Variants in SRGAP3 observed in about 807,000 individuals in gnomAD.
SRGAP3 encodes the protein SLIT-ROBO Rho GTPase-activating protein 3.
Under a neutral mutation model 121.1 loss-of-function variants are expected in SRGAP3, and 39 were observed. That is an observed-to-expected ratio of 0.32 (90% CI 0.25 to 0.42). The LOEUF (loss-of-function observed/expected upper bound fraction) is 0.42, where lower values mean the gene tolerates loss of function less well. Ranked by LOEUF, SRGAP3 falls within the 10% of genes least tolerant of loss-of-function variation. The pLI is 1.00. For synonymous variants in SRGAP3, 601 were observed against 570.0 expected, an observed-to-expected ratio of 1.05 and a Z score of -0.77; for missense variants, 1,213 against 1,470.6, an observed-to-expected ratio of 0.82 and a Z score of 2.86.
intron 1 of SRGAP3, among the ~76,000 whole-genome samples, chr3:9,213,028 G>A (rs554687343): frequency 6.6e-6 from 1 of 152,256 alleles, no homozygotes; most frequent in African/African-American, 2.4e-5. Flanking sequence ...GGGGCAAATT[G>A]CTTGGTGAGA....
intron 1 of SRGAP3, among the ~76,000 whole-genome samples, chr3:9,128,839 C>A (rs542577810): frequency 6.6e-6 from 1 of 152,096 alleles, no homozygotes; most frequent in East Asian, 1.9e-4. Flanking sequence ...GAAGCCAGAA[C>A]GAATGAGGTT....
intron 3 of SRGAP3, among the ~76,000 whole-genome samples, chr3:9,268,478 T>C (rs1954411034): frequency 6.6e-6 from 1 of 152,126 alleles, no homozygotes; most frequent in Non-Finnish European, 1.5e-5. Context: ...ACAAAAGAAA[T>C]GTCTGCTGTT....
At chr3:9,250,024 G>A (rs1428604674), upstream of SRGAP3, among the ~76,000 whole-genome samples, 1 of 152,160 alleles carries the variant, frequency 6.6e-6, no homozygotes, top group Non-Finnish European at 1.5e-5. Flanking sequence ...ATCAATATTT[G>A]TTGAGCAGTT....
chr3:9,014,508 C>T (rs1435402966), intron 15 of SRGAP3, among the ~76,000 whole-genome samples: 1 of 152,188 alleles, frequency 6.6e-6, no homozygotes, highest in Non-Finnish European at 1.5e-5. Flanking sequence ...ACCCCTGTTT[C>T]CAGGTCATCC....
intron 3 of SRGAP3, among the ~76,000 whole-genome samples, chr3:9,084,083 T>C (rs1360453336): frequency 3.3e-5 from 5 of 152,234 alleles, no homozygotes; most frequent in African/African-American, 1.2e-4. Context: ...CTAGGAGTTC[T>C]ATTTGATACT....
In SRGAP3 at chr3:8,983,710, A is replaced by G. The variant is rs1574842023; in HGVS notation, c.*1809T>C. 4 of 230,532 alleles carry G rather than the reference A, an allele frequency of 1.7e-5. No homozygotes were observed. Among genetic ancestry groups the G allele is most frequent in the East Asian group, 6.2e-5 (1 of 16,232 alleles). 14.3% of individuals were successfully genotyped at this position (230,532 alleles called of 1,614,324 possible). ...CCTTACTAATGATAATCACAAACGC[A>G]TTGTATTGATTCAGTGTTTTCCAGT... is the stretch of plus-strand genomic sequence containing the variant. On this transcript the variant is annotated 3_prime_UTR_variant, in exon 22 of 22. Coordinates refer to ENST00000383836, the MANE Select transcript of SRGAP3 (RefSeq NM_014850.4).
chr3:9,345,785 C>CAAAAA lies in SRGAP3; in HGVS notation n.215-15194_215-15190dup, dbSNP rs34225108. ...TGGGTGACAGAGCAAGACTCCAACT[C>CAAAAA]AAAAAAAAAAAAAAAAAAAGAAAAG... On this transcript the variant is annotated intron_variant and non_coding_transcript_variant, in intron 1 of 3. Transcript: ENST00000490889. Among the ~76,000 whole-genome samples, 359 of 61,322 alleles carry CAAAAA rather than the reference C, an allele frequency of 5.9e-3. 1 individual carries two copies. The highest frequency in any genetic ancestry group is 9.3e-3 in the Middle Eastern group (1 of 108). 40.2% of individuals were successfully genotyped at this position (61,322 alleles called of 152,430 possible).
rs1167274096 is a variant in SRGAP3 at position 8,981,564 on chromosome 3, T to C, written c.*3955A>G. 1 of 232,810 alleles carries C rather than the reference T, an allele frequency of 4.3e-6. No individual in the cohort carries two copies. Among genetic ancestry groups the C allele is most frequent in the African/African-American group, 2.2e-5 (1 of 45,292 alleles). 14.4% of individuals were successfully genotyped at this position (232,810 alleles called of 1,614,324 possible). Reference sequence around the variant, plus strand: ...CACATCACGACCAGGTCACGAGAAGTCCTCCACATTCGTGCCTCCTGAATG... The same window carrying C: ...CACATCACGACCAGGTCACGAGAAGCCCTCCACATTCGTGCCTCCTGAATG... On this transcript the variant is annotated 3_prime_UTR_variant, in exon 22 of 22. Coordinates refer to ENST00000383836, the MANE Select transcript of SRGAP3 (RefSeq NM_014850.4).
chr3:9,292,999 T>G (rs1046869227), intron 3 of SRGAP3: 2 of 150,746 alleles, frequency 1.3e-5, no homozygotes, highest in Non-Finnish European at 2.9e-5. Flanking sequence ...GGGCTTTAGA[T>G]TTAGCAGCTG....
chr3:9,297,441 T>G (rs1954970378), intron 3 of SRGAP3, among the ~76,000 whole-genome samples: 1 of 152,116 alleles, frequency 6.6e-6, no homozygotes, highest in Non-Finnish European at 1.5e-5. Flanking sequence ...TACATAATAT[T>G]ATAGGCTGAA....
intron 3 of SRGAP3, among the ~76,000 whole-genome samples, chr3:9,275,908 T>C (rs1954566064): frequency 6.6e-6 from 1 of 151,910 alleles, no homozygotes; most frequent in African/African-American, 2.4e-5. Context: ...GCTAAAAAAA[T>C]AAGTTTCTCA....
rs57891746 is a variant in SRGAP3, at chr3:9,000,333, G to A, written c.2228-5810C>T. On this transcript the variant is annotated intron_variant, in intron 18 of 21. Transcript: ENST00000383836. ...TCAACCTTGCCCCAGCTTGTGAGGT[G>A]GTGGTTGCATGGCAGGAGAGGGAAG... Among the ~76,000 whole-genome samples the A allele has an allele frequency of 1.6e-3, 246 of 152,308 alleles. 1 individual carries two copies. The highest frequency in any genetic ancestry group is 5.2e-3 in the African/African-American group (216 of 41,558).
At chr3:9,051,708 TTC>T (rs1354922702) in intron 9 of SRGAP3, among the ~76,000 whole-genome samples, 1 of 122,840 alleles carries the variant, frequency 8.1e-6, no homozygotes, top group African/African-American at 3.3e-5. Flanking sequence ...TTTTGCTCAA[TTC>T]TTTTTTTTTT....
At chr3:9,018,143 T>G (rs962489265) in intron 14 of SRGAP3, among the ~76,000 whole-genome samples, 2 of 152,238 alleles carry the variant, frequency 1.3e-5, no homozygotes, top group African/African-American at 4.8e-5. Context: ...CTTAACATAA[T>G]GTCCTCCAGT....
At chr3:9,096,755 T>C (rs1175099420) in intron 3 of SRGAP3, among the ~76,000 whole-genome samples, 1 of 151,386 alleles carries the variant, frequency 6.6e-6, no homozygotes, top group Non-Finnish European at 1.5e-5. Flanking sequence ...GCATATTTTC[T>C]TATTTCTGAT....
chr3:9,346,817 G>A (rs542915506), intron 1 of SRGAP3, among the ~76,000 whole-genome samples: 11 of 150,172 alleles, frequency 7.3e-5, no homozygotes, highest in East Asian at 5.9e-4. Flanking sequence ...GTGCAATGGC[G>A]CGATCCTGGC....
chr3:9,196,490 A>G (rs1413552851), intron 1 of SRGAP3, among the ~76,000 whole-genome samples: 1 of 152,204 alleles, frequency 6.6e-6, no homozygotes, highest in Non-Finnish European at 1.5e-5. Flanking sequence ...GTTGTGTTTT[A>G]TGTTTTCTTT....
rs374918429 is a variant in SRGAP3 at position 9,286,702 on chromosome 3, C to A, written n.442+39308G>T. Among the ~76,000 whole-genome samples the A allele has an allele frequency of 1.9e-3, 284 of 150,806 alleles. 1 individual carries two copies. Among genetic ancestry groups the A allele is most frequent in the African/African-American group, 6.3e-3 (262 of 41,348 alleles). On this transcript the variant is annotated intron_variant and non_coding_transcript_variant, in intron 3 of 3. Coordinates refer to the SRGAP3 transcript ENST00000490889. ...ACTACAAGCTTCGCCTCCCGGGTTCCCGCCATTCTCCTGCCTCAGCCTCCT... is the reference window on the plus strand; with the variant it reads ...ACTACAAGCTTCGCCTCCCGGGTTCACGCCATTCTCCTGCCTCAGCCTCCT...
intron 3 of SRGAP3, among the ~76,000 whole-genome samples, chr3:9,086,769 T>A (rs922024008): frequency 6.7e-6 from 1 of 148,776 alleles, no homozygotes; most frequent in Non-Finnish European, 1.5e-5. Flanking sequence ...ATACATATAA[T>A]ATGTATTTTA....
Sources: gnomAD v4.1 joint callset for allele counts (sites outside exome capture counted in the v4.1 genomes callset) on GRCh38, gnomAD v4.1.1 for gene constraint, MANE v1.5 for transcripts, NCBI Gene and HGNC (gene_info 2026-07-23, HGNC 2026-07-21) for gene names.